PANK1: variants seen among roughly 807,000 people sequenced by gnomAD.
The protein encoded by PANK1 is pantothenic acid kinase 1.
Under a neutral mutation model 40.1 loss-of-function variants are expected in PANK1, and 18 were observed. That is an observed-to-expected ratio of 0.45 (90% CI 0.31 to 0.67). PANK1 has a LOEUF of 0.67. PANK1 is among the 30% of genes least tolerant of loss of function. PANK1 has a pLI of 0.06. For missense variants in PANK1, 457 were observed against 599.6 expected, an observed-to-expected ratio of 0.76 and a Z score of 2.48; for synonymous variants, 242 against 237.7, an observed-to-expected ratio of 1.02 and a Z score of -0.17.
rs1372029256 is a variant in PANK1, at chr10:89,595,820, A to T, written c.900-1831T>A. 1.3e-4 allele frequency among the ~76,000 whole-genome samples: 4 copies of T among 31,482 alleles called. No homozygotes were observed. The East Asian group carries it at 8.4e-3, about 66-fold the overall frequency. The allele number at this position is 31,482 out of a possible 152,430, so 20.7% of individuals were successfully genotyped here. A position where few individuals can be genotyped will look rare whatever the true frequency, so the allele number is the denominator to read the frequency against. On this transcript the variant is annotated intron_variant, in intron 3 of 6. Coordinates refer to ENST00000307534, the MANE Select transcript of PANK1 (RefSeq NM_148977.3). Reference sequence around the variant, plus strand: ...TGACAGAGCCGGACTCCATCTTAAAAAAAAAAAAAAAAAATATATATATAT... The same window carrying T: ...TGACAGAGCCGGACTCCATCTTAAATAAAAAAAAAAAAAATATATATATAT...
At chr10:89,621,025 G>C (rs185402118) in intron 1 of PANK1, among the ~76,000 whole-genome samples, 2 of 152,294 alleles carry the variant, frequency 1.3e-5, no homozygotes. Context: ...GTTAAGGCCG[G>C]GTGCGGTGGT....
intron 6 of PANK1, 122 bp from the exon 7 acceptor site, chr10:89,584,587 C>T (rs886638874): frequency 9.3e-6 from 6 of 645,512 alleles, no homozygotes; most frequent in African/African-American, 7.2e-5. Flanking sequence ...TTGTGTGTCA[C>T]AAAACATGGC....
At chr10:89,606,705 G>A (rs1030967667) in intron 2 of PANK1, among the ~76,000 whole-genome samples, 1 of 152,128 alleles carries the variant, frequency 6.6e-6, no homozygotes, top group African/African-American at 2.4e-5. Context: ...TGTATTTTGT[G>A]TAGAGACAGG....
At chr10:89,642,671 T>A (rs1336103080) in intron 1 of PANK1, among the ~76,000 whole-genome samples, 1 of 152,226 alleles carries the variant, frequency 6.6e-6, no homozygotes, top group Admixed American at 6.5e-5. Flanking sequence ...TAAAGATATG[T>A]GAATGTCAAT....
At chr10:89,618,434 G>A (rs1373991449) in intron 1 of PANK1, among the ~76,000 whole-genome samples, 1 of 152,216 alleles carries the variant, frequency 6.6e-6, no homozygotes, top group African/African-American at 2.4e-5. Flanking sequence ...CATCACCTGA[G>A]TAACAGCCTA....
chr10:89,589,103 T>C (rs1844291033), intron 5 of PANK1, among the ~76,000 whole-genome samples: 1 of 152,186 alleles, frequency 6.6e-6, no homozygotes, highest in African/African-American at 2.4e-5. Flanking sequence ...CAAGTTCAGC[T>C]AAATTTTCAT....
chr10:89,583,653 A>C lies in PANK1; in HGVS notation c.*753T>G, dbSNP rs1176841358. On this transcript the variant is annotated 3_prime_UTR_variant, in exon 7 of 7. Transcript: ENST00000307534. ...TAAGCGATAGGACAAACTTGCATAT[A>C]ATTTGCAACTTTTGCCAGACTCATT... 1 of 152,208 alleles carries C rather than the reference A, an allele frequency of 6.6e-6. No individual in the cohort carries two copies. Among genetic ancestry groups the C allele is most frequent in the African/African-American group, 2.4e-5 (1 of 41,462 alleles). 9.4% of individuals were successfully genotyped at this position (152,208 alleles called of 1,614,324 possible). A position where few individuals can be genotyped will look rare whatever the true frequency, so the allele number is the denominator to read the frequency against.
chr10:89,603,469 C>A (rs551879338), intron 2 of PANK1, among the ~76,000 whole-genome samples: 1 of 152,206 alleles, frequency 6.6e-6, no homozygotes, highest in South Asian at 2.1e-4. Flanking sequence ...ATAATGGAAG[C>A]TAATCAAAGA....
intron 1 of PANK1, among the ~76,000 whole-genome samples, chr10:89,618,708 G>A (rs1397979709): frequency 6.6e-6 from 1 of 152,218 alleles, no homozygotes; most frequent in African/African-American, 2.4e-5. Context: ...AATGGAAATG[G>A]TGTACGTCAC....
rs529342070 is a variant in PANK1 at position 89,602,502 on chromosome 10, G to C, written c.646-2997C>G. Among the ~76,000 whole-genome samples, 8 of 96,444 alleles carry C rather than the reference G, an allele frequency of 8.3e-5. No homozygotes were observed. The East Asian group carries it at 6.1e-3, about 74-fold the overall frequency. The allele number at this position is 96,444 out of a possible 152,430, so 63.3% of individuals were successfully genotyped here. On this transcript the variant is annotated intron_variant, in intron 2 of 6. Coordinates refer to ENST00000307534, the MANE Select transcript of PANK1 (RefSeq NM_148977.3). Reference sequence around the variant, plus strand: ...CCAAATGCAGGCAGTGAGTCATACTGCTACTTGGATTTTTCAAACAGGACA... The same window carrying C: ...CCAAATGCAGGCAGTGAGTCATACTCCTACTTGGATTTTTCAAACAGGACA...
At chr10:89,621,586 T>A (rs1232346568) in intron 1 of PANK1, among the ~76,000 whole-genome samples, 4 of 152,202 alleles carry the variant, frequency 2.6e-5, no homozygotes, top group African/African-American at 9.6e-5. Context: ...CATTTTCAGT[T>A]TCATGAACCA....
In PANK1 at chr10:89,599,422, G is replaced by A. The variant is rs751692645; in HGVS notation, c.729C>T (p.Asn243=). The A allele has an allele frequency of 2.0e-5, 33 of 1,613,582 alleles. No homozygotes were observed. The highest frequency in any genetic ancestry group is 1.1e-4 in the East Asian group (5 of 44,898). The change falls in exon 3 of 7, where the codon AAC becomes AAT. Residue 243 remains asparagine, a synonymous_variant. Coordinates refer to ENST00000307534, the MANE Select transcript of PANK1 (RefSeq NM_148977.3). ...GLLYVDSVGF[N]GKPECYYFEN... ...CAAAATAGTAACATTCTGGCTTGCCGTTGAAGCCAACAGAGTCGACATAAA... is the reference window on the plus strand; with the variant it reads ...CAAAATAGTAACATTCTGGCTTGCCATTGAAGCCAACAGAGTCGACATAAA...
intron 1 of PANK1, among the ~76,000 whole-genome samples, chr10:89,629,113 A>G (rs1288915808): frequency 6.6e-6 from 1 of 152,248 alleles, no homozygotes; most frequent in Non-Finnish European, 1.5e-5. Context: ...AAATAAAATT[A>G]AAAAAGAAGA....
At chr10:89,612,547 A>G (rs1845191828) in intron 1 of PANK1, among the ~76,000 whole-genome samples, 2 of 152,162 alleles carry the variant, frequency 1.3e-5, no homozygotes, top group South Asian at 4.1e-4. Context: ...CCTAGGGCGC[A>G]TTTCAATGAT....
intron 2 of PANK1, among the ~76,000 whole-genome samples, chr10:89,606,022 GAT>G (rs1844955120): frequency 6.6e-6 from 1 of 152,136 alleles, no homozygotes; most frequent in African/African-American, 2.4e-5. Context: ...ACTTTGAAAA[GAT>G]TTTTTTTTCT....
intron 1 of PANK1, among the ~76,000 whole-genome samples, chr10:89,617,609 G>A (rs1293725827): frequency 6.6e-6 from 1 of 152,164 alleles, no homozygotes; most frequent in Non-Finnish European, 1.5e-5. Flanking sequence ...CACTCTGAAA[G>A]GGTTAAGATG....
Position 89,644,619 on chromosome 10 carries a change from C to T in PANK1, c.273G>A (p.Ser91=), listed in dbSNP as rs768702027. ...ACTTACGCGGCCTGTTCTTTCTCCC[C>T]GAGTCCATCCTCCTCCGCAGCCGGC... ...KKCRLRRRMD[S]GRKNRPPFPW... Residue 91 remains serine, a synonymous_variant, in exon 1 of 7, where the codon TCG becomes TCA. Transcript: ENST00000307534. The T allele has an allele frequency of 1.9e-6, 3 of 1,588,772 alleles. No individual in the cohort carries two copies. The highest frequency in any genetic ancestry group is 2.6e-6 in the Non-Finnish European group (3 of 1,172,612).
rs181727702 is a variant in PANK1, at chr10:89,584,088, A to T, written c.*318T>A. On this transcript the variant is annotated 3_prime_UTR_variant, in exon 7 of 7. Transcript: ENST00000307534. ...CCCAGAAGAAAAATGACCAGCGCTT[A>T]CATATCAGGTCCTTCTTAAACATCA... The T allele has an allele frequency of 8.4e-4, 204 of 242,144 alleles. 6 individuals are homozygous for T. The East Asian group carries it at 0.016, about 19-fold the overall frequency. The allele number at this position is 242,144 out of a possible 1,614,324, so 15.0% of individuals were successfully genotyped here. A position where few individuals can be genotyped will look rare whatever the true frequency, so the allele number is the denominator to read the frequency against.
intron 3 of PANK1, 83 bp downstream of exon 3, chr10:89,599,169 G>C: frequency 7.8e-7 from 1 of 1,285,846 alleles, no homozygotes; most frequent in African/African-American, 1.5e-5. Context: ...TTTTAAAAAT[G>C]TATTCAATAT....
Sources: allele counts gnomAD v4.1 joint callset (sites outside exome capture counted in the v4.1 genomes callset), GRCh38; gene constraint gnomAD v4.1.1; transcripts MANE v1.5; gene names NCBI Gene and HGNC (gene_info 2026-07-23, HGNC 2026-07-21).